The following PAK5 variants were observed in gnomAD, a reference collection of about 807,000 sequenced individuals.
The protein encoded by PAK5 is serine/threonine-protein kinase PAK 5.
PAK5 carries 16 observed loss-of-function variants against 65.9 expected under a neutral mutation model. That is an observed-to-expected ratio of 0.24 (90% CI 0.16 to 0.37). The LOEUF is 0.37. Among genes scored for constraint, PAK5 ranks in the 10% least tolerant of loss-of-function variants. The probability of loss-of-function intolerance (pLI) is 1.00; values close to 1 mark genes in which losing one functional copy is unlikely to be tolerated. For missense variants in PAK5, 785 were observed against 903.9 expected (o/e 0.87, Z 1.69); for synonymous variants, 371 against 354.9 (o/e 1.05, Z -0.51).
intron 1 of PAK5, among the ~76,000 whole-genome samples, chr20:9,756,317 A>G (rs1325082190): frequency 1.3e-5 from 2 of 152,174 alleles, no homozygotes; most frequent in Non-Finnish European, 2.9e-5. Context: ...CCAAAAATGT[A>G]TCTACGTATC....
At chr20:9,733,797 C>T (rs1359728310) in intron 1 of PAK5, among the ~76,000 whole-genome samples, 1 of 152,170 alleles carries the variant, frequency 6.6e-6, no homozygotes, top group South Asian at 2.1e-4. Context: ...GCCATGATGG[C>T]TGGTCATTTG....
chr20:9,823,542 C>A (rs1381785568), intron 1 of PAK5, among the ~76,000 whole-genome samples: 1 of 152,184 alleles, frequency 6.6e-6, no homozygotes, highest in Admixed American at 6.5e-5. Flanking sequence ...CTCCCCTGCA[C>A]AATTAATCTT....
chr20:9,769,117 C>T (rs1345464219), intron 1 of PAK5, among the ~76,000 whole-genome samples: 4 of 152,092 alleles, frequency 2.6e-5, no homozygotes, highest in South Asian at 2.1e-4. Flanking sequence ...CTTACTAGGC[C>T]GAACTTCTGA....
chr20:9,662,586 G>T (rs533249507), intron 2 of PAK5, among the ~76,000 whole-genome samples: 1 of 152,234 alleles, frequency 6.6e-6, no homozygotes, highest in Admixed American at 6.5e-5. Context: ...AAGTGCAGGG[G>T]TGGTGGTAAA....
At position 9,674,523 on chromosome 20, in the gene PAK5, T is replaced by G. The variant is rs144642238; in HGVS notation, c.-11-30184A>C. Among the ~76,000 whole-genome samples, 811 of 152,344 alleles carry G rather than the reference T, an allele frequency of 5.3e-3. 5 individuals are homozygous for G. The highest frequency in any genetic ancestry group is 0.018 in the African/African-American group (760 of 41,582). On this transcript the variant is annotated intron_variant, in intron 2 of 9. Transcript: ENST00000353224. The stretch of plus-strand genomic sequence containing the variant: ...TGACATTTCTTTGACATTGGAATCT[T>G]AACTGATTTTGTTATTTGAAATGAG...
chr20:9,775,228 A>G (rs2143257), intron 1 of PAK5, among the ~76,000 whole-genome samples: 121,598 of 152,040 alleles, frequency 0.8, 48,984 homozygotes, highest in African/African-American at 0.91. Context: ...ATTTAGATCT[A>G]TGCCTTTCAC....
At chr20:9,830,738 A>C (rs1209254948) in intron 1 of PAK5, among the ~76,000 whole-genome samples, 1 of 152,176 alleles carries the variant, frequency 6.6e-6, no homozygotes, top group Non-Finnish European at 1.5e-5. Flanking sequence ...CAAGAGGAAA[A>C]TGTACCTTCT....
At chr20:9,714,417 T>C (rs567387504) in intron 1 of PAK5, among the ~76,000 whole-genome samples, 45 of 152,250 alleles carry the variant, frequency 3.0e-4, no homozygotes, top group Non-Finnish European at 5.3e-4. Flanking sequence ...GTATTTTCTG[T>C]AAAAATGCAA....
chr20:9,778,449 A>G (rs2048908267), intron 1 of PAK5, among the ~76,000 whole-genome samples: 1 of 138,176 alleles, frequency 7.2e-6, no homozygotes, highest in Admixed American at 7.6e-5. Context: ...TATTACCCAC[A>G]CTGGTCTCAG....
At chr20:9,828,134 C>T (rs1600418566) in intron 1 of PAK5, among the ~76,000 whole-genome samples, 4 of 152,260 alleles carry the variant, frequency 2.6e-5, no homozygotes, top group Admixed American at 2.6e-4. Context: ...CGCGCCCAGC[C>T]AAGTTGCAAT....
At chr20:9,828,460 A>G (rs1221036795) in intron 1 of PAK5, among the ~76,000 whole-genome samples, 1 of 152,104 alleles carries the variant, frequency 6.6e-6, no homozygotes, top group Non-Finnish European at 1.5e-5. Flanking sequence ...TATTTTTAGA[A>G]GTTAAATCAT....
At chr20:9,794,063 G>T (rs907446552) in intron 1 of PAK5, among the ~76,000 whole-genome samples, 2 of 151,462 alleles carry the variant, frequency 1.3e-5, no homozygotes, top group African/African-American at 2.4e-5. Context: ...CATTCTCAGC[G>T]AACTAACACA....
intron 7 of PAK5, among the ~76,000 whole-genome samples, chr20:9,551,395 G>A (rs2045425393): frequency 6.6e-6 from 1 of 152,090 alleles, no homozygotes; most frequent in African/African-American, 2.4e-5. Flanking sequence ...TGTTACACAA[G>A]GACCACACAA....
chr20:9,781,137 G>C (rs1227052577), intron 1 of PAK5, among the ~76,000 whole-genome samples: 1 of 152,060 alleles, frequency 6.6e-6, no homozygotes, highest in Non-Finnish European at 1.5e-5. Context: ...CTTCTTTTTA[G>C]AGTATTAAAT....
chr20:9,548,959 T>G (rs2122914620), intron 7 of PAK5, among the ~76,000 whole-genome samples: 1 of 152,300 alleles, frequency 6.6e-6, no homozygotes, highest in Non-Finnish European at 1.5e-5. Context: ...GAAGCTGGTT[T>G]AGCAGAGAGG....
chr20:9,766,050 C>T (rs145160948), intron 1 of PAK5, among the ~76,000 whole-genome samples: 3,689 of 151,760 alleles, frequency 0.024, 138 homozygotes, highest in African/African-American at 0.084. Context: ...GGTGAAACCC[C>T]GTTTCTACTA....
intron 2 of PAK5, among the ~76,000 whole-genome samples, chr20:9,681,086 T>C (rs1023039020): frequency 6.6e-6 from 1 of 152,238 alleles, no homozygotes; most frequent in African/African-American, 2.4e-5. Flanking sequence ...TACACAGATA[T>C]TAAGAATCGT....
At chr20:9,620,632 G>A (rs1409304922) in intron 3 of PAK5, among the ~76,000 whole-genome samples, 2 of 152,164 alleles carry the variant, frequency 1.3e-5, no homozygotes, top group Admixed American at 6.5e-5. Context: ...GGCTCACAGT[G>A]ATATGGGGAC....
intron 1 of PAK5, among the ~76,000 whole-genome samples, chr20:9,819,592 T>G (rs2049396141): frequency 6.6e-6 from 1 of 152,132 alleles, no homozygotes; most frequent in Non-Finnish European, 1.5e-5. Flanking sequence ...CTGACCACAT[T>G]CTTTGCTATG....
Sources: gnomAD v4.1 joint callset for allele counts (sites outside exome capture counted in the v4.1 genomes callset) on GRCh38, gnomAD v4.1.1 for gene constraint, MANE v1.5 for transcripts, NCBI Gene and HGNC (gene_info 2026-07-23, HGNC 2026-07-21) for gene names.